Variants in PHF14 observed in about 807,000 individuals in gnomAD.
PHF14 encodes the protein PHD finger protein 14.
Under a neutral mutation model 117.9 loss-of-function variants are expected in PHF14, and 55 were observed. That is an observed-to-expected ratio of 0.47 (90% CI 0.38 to 0.58). The LOEUF is 0.58. Ranked by LOEUF, PHF14 falls within the 20% of genes least tolerant of loss-of-function variation. The pLI is 0.00. For synonymous variants in PHF14, 409 were observed against 368.6 expected (o/e 1.11, Z -1.26); for missense variants, 978 against 1,122.2 (o/e 0.87, Z 1.84).
chr7:11,035,851 G>T, intron 8 of PHF14, 65 bp downstream of exon 8: 2 of 1,280,072 alleles, frequency 1.6e-6, no homozygotes, highest in Non-Finnish European at 2.2e-6. Context: ...TTTACGTCTC[G>T]TGTGGCTTCC....
Position 10,994,116 on chromosome 7 carries a change from C to T in PHF14, c.1045+3269C>T, listed in dbSNP as rs537694002. Among the ~76,000 whole-genome samples the T allele has an allele frequency of 5.9e-5, 9 of 151,716 alleles. No individual in the cohort carries two copies. The East Asian group carries it at 1.6e-3, about 26-fold the overall frequency. On this transcript the variant is annotated intron_variant, in intron 4 of 17. Coordinates refer to ENST00000634607, the MANE Select transcript of PHF14 (RefSeq NM_001007157.2). ...GCAAGTCACTTAAATATATTGGGAA[C>T]GAGCACTGCAAGTGGAGGGAGTAGT...
chr7:11,039,583 A>G (rs1784437204), intron 11 of PHF14, among the ~76,000 whole-genome samples: 1 of 152,178 alleles, frequency 6.6e-6, no homozygotes, highest in Admixed American at 6.5e-5. Flanking sequence ...TGGTCCTTTC[A>G]CTAAAAAGTA....
At chr7:11,116,137 T>G (rs1473992941) in intron 17 of PHF14, among the ~76,000 whole-genome samples, 1 of 152,044 alleles carries the variant, frequency 6.6e-6, no homozygotes, top group Non-Finnish European at 1.5e-5. Context: ...TATTTTCAAA[T>G]TACTACAAAT....
In PHF14 at chr7:11,169,579, A is replaced by C. The variant is rs1029533427; in HGVS notation, c.*89A>C. 3 of 550,960 alleles carry C rather than the reference A, an allele frequency of 5.4e-6. No homozygotes were observed. The East Asian group carries it at 1.0e-4, about 18-fold the overall frequency. 34.1% of individuals were successfully genotyped at this position (550,960 alleles called of 1,614,324 possible). A position where few individuals can be genotyped will look rare whatever the true frequency, so the allele number is the denominator to read the frequency against. On this transcript the variant is annotated 3_prime_UTR_variant, in exon 18 of 18. Coordinates refer to ENST00000634607, the MANE Select transcript of PHF14 (RefSeq NM_001007157.2). ...TGTAAAATGTTAAATTGTAAAATCT[A>C]ATTTGCAAAATGTTCTCAATAAAGT... is the stretch of plus-strand genomic sequence containing the variant.
chr7:11,132,502 C>T (rs762759739), intron 17 of PHF14, among the ~76,000 whole-genome samples: 5 of 151,554 alleles, frequency 3.3e-5, no homozygotes, highest in African/African-American at 9.7e-5. Flanking sequence ...TGTTAATGGG[C>T]GGTTAGGTTG....
intron 3 of PHF14, among the ~76,000 whole-genome samples, chr7:10,988,454 G>T (rs908978594): frequency 6.7e-6 from 1 of 150,372 alleles, no homozygotes; most frequent in Non-Finnish European, 1.5e-5. Flanking sequence ...TTCCACCAGA[G>T]AAATTACCAC....
chr7:10,998,727 C>T (rs1434686976), intron 4 of PHF14, among the ~76,000 whole-genome samples: 1 of 152,138 alleles, frequency 6.6e-6, no homozygotes, highest in African/African-American at 2.4e-5. Flanking sequence ...CATGTTACTG[C>T]TGCTTATATC....
At chr7:11,059,880 AT>A (rs1296383914) in intron 14 of PHF14, among the ~76,000 whole-genome samples, 1 of 152,076 alleles carries the variant, frequency 6.6e-6, no homozygotes, top group Non-Finnish European at 1.5e-5. Flanking sequence ...ATTTTATTTT[AT>A]TTTTTTGAGA....
chr7:11,022,123 A>T (rs1209116535), intron 5 of PHF14, among the ~76,000 whole-genome samples: 1 of 152,196 alleles, frequency 6.6e-6, no homozygotes, highest in Non-Finnish European at 1.5e-5. Context: ...TTTTTAAAAA[A>T]TGAAATTAGA....
intron 14 of PHF14, among the ~76,000 whole-genome samples, chr7:11,056,902 C>A (rs369243742): frequency 6.6e-6 from 1 of 151,372 alleles, no homozygotes; most frequent in East Asian, 1.9e-4. Flanking sequence ...TATTCCCCAG[C>A]ATAAATCTAA....
chr7:11,087,592 C>T (rs1049833985), intron 16 of PHF14, among the ~76,000 whole-genome samples: 3 of 152,148 alleles, frequency 2.0e-5, no homozygotes, highest in African/African-American at 7.2e-5. Flanking sequence ...TGATTGACTT[C>T]TAAGGAATCT....
chr7:11,023,566 C>T (rs1337810119), intron 6 of PHF14, among the ~76,000 whole-genome samples: 3 of 152,214 alleles, frequency 2.0e-5, no homozygotes, highest in Non-Finnish European at 2.9e-5. Context: ...GGTGCTCACG[C>T]CTGTTATCCC....
At chr7:11,035,615 AT>A in intron 7 of PHF14, 24 bp from the exon 8 acceptor site, 1 of 1,514,406 alleles carries the variant, frequency 6.6e-7, no homozygotes, top group South Asian at 1.3e-5. Context: ...AATGTTCACT[AT>A]TTTTCTGTGC....
chr7:11,027,879 C>T (rs930492454), intron 6 of PHF14, among the ~76,000 whole-genome samples: 5 of 151,952 alleles, frequency 3.3e-5, no homozygotes, highest in East Asian at 1.9e-4. Context: ...TGAAGCCTTA[C>T]ATTTACTTTC....
intron 17 of PHF14, among the ~76,000 whole-genome samples, chr7:11,151,906 C>T (rs561791666): frequency 2.4e-4 from 36 of 152,266 alleles, no homozygotes; most frequent in Admixed American, 1.5e-3. Flanking sequence ...GAAGCTGATC[C>T]TTGTACATTT....
chr7:10,995,871 G>A (rs1782627695), intron 4 of PHF14, among the ~76,000 whole-genome samples: 1 of 152,208 alleles, frequency 6.6e-6, no homozygotes, highest in African/African-American at 2.4e-5. Flanking sequence ...TGGCCCGCAA[G>A]CGCCTTGCAC....
intron 17 of PHF14, among the ~76,000 whole-genome samples, chr7:11,152,239 T>G (rs1788722008): frequency 6.6e-6 from 1 of 152,152 alleles, no homozygotes; most frequent in African/African-American, 2.4e-5. Flanking sequence ...TCATGAGCAA[T>G]TCTAACTGTA....
At chr7:11,105,384 T>G (rs1167115847) in intron 16 of PHF14, 1 of 953,240 alleles carries the variant, frequency 1.0e-6, no homozygotes, top group Non-Finnish European at 1.2e-6. Flanking sequence ...ACCACTGGTT[T>G]TAAACAAAGT....
At chr7:11,061,003 G>GGGA (rs988326098) in intron 14 of PHF14, among the ~76,000 whole-genome samples, 2 of 152,042 alleles carry the variant, frequency 1.3e-5, no homozygotes, top group African/African-American at 4.8e-5. Flanking sequence ...ACTCTAGCTT[G>GGGA]GGAATGTTCC....
Sources: allele counts gnomAD v4.1 joint callset (sites outside exome capture counted in the v4.1 genomes callset), GRCh38; gene constraint gnomAD v4.1.1; transcripts MANE v1.5; gene names NCBI Gene and HGNC (gene_info 2026-07-23, HGNC 2026-07-21).